The following METTL15 variants were observed in gnomAD, a reference collection of about 807,000 sequenced individuals.
METTL15 encodes methyltransferase 15, mitochondrial 12S rRNA N4-cytidine.
A neutral mutation model predicts 38.3 loss-of-function variants in METTL15; 34 were observed. The ratio of observed to expected loss-of-function variants is 0.89; its 90% confidence interval spans 0.68 to 1.18. METTL15 has a LOEUF of 1.18. METTL15 is among the 50% of genes most tolerant of loss of function. METTL15 has a pLI of 0.00. For missense variants in METTL15, 438 were observed against 498.4 expected, an observed-to-expected ratio of 0.88 and a Z score of 1.15; for synonymous variants, 162 against 170.9, an observed-to-expected ratio of 0.95 and a Z score of 0.41.
Position 28,323,205 on chromosome 11 carries a change from C to CT in METTL15, c.779-7183dup, listed in dbSNP as rs1021534573. 8.7e-5 allele frequency among the ~76,000 whole-genome samples: 13 copies of CT among 149,158 alleles called. No individual in the cohort carries two copies. The South Asian group carries it at 1.3e-3, about 15-fold the overall frequency. On this transcript the variant is annotated intron_variant, in intron 6 of 6. Transcript: ENST00000407364. ...TTTCCTTTGGCTTTTTTTTTCTTTT[C>CT]TTTTTTTTAACAATGACTGTGTTTA...
intron 5 of METTL15, among the ~76,000 whole-genome samples, chr11:28,292,803 T>C (rs187635220): frequency 5.9e-5 from 9 of 152,348 alleles, no homozygotes; most frequent in African/African-American, 2.2e-4. Context: ...ATTTCTCTGA[T>C]GGCTAGTGAT....
At chr11:28,385,011 T>C (rs1850426047) in intron 5 of METTL15, among the ~76,000 whole-genome samples, 1 of 152,188 alleles carries the variant, frequency 6.6e-6, no homozygotes, top group Non-Finnish European at 1.5e-5. Flanking sequence ...TCTTGTACAT[T>C]TATTTAAGTT....
chr11:28,445,493 GT>G (rs1444659024), intron 6 of METTL15, among the ~76,000 whole-genome samples: 5 of 152,022 alleles, frequency 3.3e-5, no homozygotes, highest in Non-Finnish European at 5.9e-5. Context: ...TTTATTAATT[GT>G]TTCAATAATG....
At chr11:28,361,547 T>C (rs1361722766) in intron 4 of METTL15, among the ~76,000 whole-genome samples, 1 of 152,184 alleles carries the variant, frequency 6.6e-6, no homozygotes, top group Non-Finnish European at 1.5e-5. Context: ...TATCTCCCTC[T>C]GCTTTTTACT....
chr11:28,131,824 A>G (rs1466402845), intron 3 of METTL15, among the ~76,000 whole-genome samples: 1 of 152,202 alleles, frequency 6.6e-6, no homozygotes, highest in Non-Finnish European at 1.5e-5. Flanking sequence ...TGATCCTGAT[A>G]AATCGGAAGT....
chr11:28,292,356 G>A (rs1208284361), intron 5 of METTL15, among the ~76,000 whole-genome samples: 1 of 151,720 alleles, frequency 6.6e-6, no homozygotes, highest in African/African-American at 2.4e-5. Context: ...ATGATTTCCA[G>A]CTTCATCCAT....
intron 6 of METTL15, among the ~76,000 whole-genome samples, chr11:28,307,489 T>G (rs1313838200): frequency 6.6e-6 from 1 of 151,992 alleles, no homozygotes; most frequent in Non-Finnish European, 1.5e-5. Context: ...ATCAACTAGT[T>G]TCTTTAGCAT....
intron 5 of METTL15, among the ~76,000 whole-genome samples, chr11:28,365,087 G>C (rs1296357325): frequency 6.6e-6 from 1 of 152,108 alleles, no homozygotes; most frequent in Non-Finnish European, 1.5e-5. Flanking sequence ...CTAGTATTTT[G>C]TTGAGGATTT....
intron 3 of METTL15, among the ~76,000 whole-genome samples, chr11:28,114,507 G>C (rs1005522153): frequency 6.6e-6 from 1 of 152,148 alleles, no homozygotes; most frequent in South Asian, 2.1e-4. Context: ...CTGGAGTGCA[G>C]TGGTGTGATC....
At chr11:28,223,729 C>A (rs1354290445) in intron 4 of METTL15, among the ~76,000 whole-genome samples, 2 of 151,962 alleles carry the variant, frequency 1.3e-5, no homozygotes, top group African/African-American at 2.4e-5. Context: ...TTAGGCTAAC[C>A]CATTTTAGCT....
chr11:28,471,832 A>G (rs1851305876), intron 6 of METTL15, among the ~76,000 whole-genome samples: 1 of 152,130 alleles, frequency 6.6e-6, no homozygotes, highest in African/African-American at 2.4e-5. Context: ...TTGATCATAG[A>G]AAAAGAACTG....
chr11:28,310,382 G>C (rs1348459895), intron 6 of METTL15, among the ~76,000 whole-genome samples: 1 of 143,944 alleles, frequency 6.9e-6, no homozygotes, highest in Non-Finnish European at 1.6e-5. Context: ...ACACACGCAC[G>C]CACCCATGAA....
rs570475248 is a variant in METTL15 at position 28,498,259 on chromosome 11, C to T, written c.*425-28219C>T. ...CTGCAAGCTCTGCCTCCTGGGTTCA[C>T]GCCATTCTCCTACCTCAGCCTCCGG... On this transcript the variant is annotated intron_variant and NMD_transcript_variant, in intron 6 of 7. Coordinates refer to the METTL15 transcript ENST00000532947. 2.2e-4 allele frequency among the ~76,000 whole-genome samples: 34 copies of T among 152,094 alleles called. 2 individuals carry two copies. In the South Asian group the frequency reaches 6.2e-3, roughly 28 times the overall value.
chr11:28,128,837 T>G (rs552303806), intron 3 of METTL15, among the ~76,000 whole-genome samples: 6 of 152,280 alleles, frequency 3.9e-5, no homozygotes, highest in African/African-American at 2.4e-5. Context: ...ATCAACTAAA[T>G]TTTTTAGTCT....
At position 28,399,394 on chromosome 11, in the gene METTL15, T is replaced by C. The variant is rs914177538; in HGVS notation, c.*359-24905T>C. ...AGACTAAGGGAATTTCATTCTCTTT[T>C]ACCTGCGGCTACTATTAGGGAAAAT... is the stretch of plus-strand genomic sequence containing the variant. On this transcript the variant is annotated intron_variant and NMD_transcript_variant, in intron 5 of 7. Coordinates refer to the METTL15 transcript ENST00000532947. Among the ~76,000 whole-genome samples, 3 of 151,982 alleles carry C rather than the reference T, an allele frequency of 2.0e-5. No individual in the cohort carries two copies. In the South Asian group the frequency reaches 6.2e-4, roughly 31 times the overall value.
chr11:28,443,775 C>A (rs946861792), intron 6 of METTL15, among the ~76,000 whole-genome samples: 11 of 152,156 alleles, frequency 7.2e-5, no homozygotes, highest in African/African-American at 2.7e-4. Flanking sequence ...TGTAGAGAAT[C>A]TGACAGATTC....
chr11:28,338,458 A>AT (rs1208332969), downstream of METTL15, among the ~76,000 whole-genome samples: 1 of 152,008 alleles, frequency 6.6e-6, no homozygotes, highest in Non-Finnish European at 1.5e-5. Flanking sequence ...CCATAAAAAT[A>AT]TTTTTTTCCA....
At chr11:28,390,821 G>A (rs1365148064) in intron 5 of METTL15, among the ~76,000 whole-genome samples, 1 of 152,124 alleles carries the variant, frequency 6.6e-6, no homozygotes, top group Non-Finnish European at 1.5e-5. Flanking sequence ...ACCTTGGGCA[G>A]TATAGCCATT....
intron 3 of METTL15, among the ~76,000 whole-genome samples, chr11:28,194,762 G>T (rs1285153991): frequency 6.6e-6 from 1 of 151,754 alleles, no homozygotes; most frequent in Non-Finnish European, 1.5e-5. Context: ...ATTGTATAGT[G>T]GTGAAGTCTC....
Sources: allele counts gnomAD v4.1 joint callset (sites outside exome capture counted in the v4.1 genomes callset), GRCh38; gene constraint gnomAD v4.1.1; transcripts MANE v1.5; gene names NCBI Gene and HGNC (gene_info 2026-07-23, HGNC 2026-07-21).